The following FCSK variants were observed in gnomAD, a reference collection of about 807,000 sequenced individuals.
FCSK encodes the protein L-fucose kinase.
FCSK carries 123 observed loss-of-function variants against 122.5 expected under a neutral mutation model. The observed-to-expected ratio is 1.00, with a 90% confidence interval of 0.87 to 1.17. The LOEUF is 1.17. Ranked by LOEUF, FCSK falls within the 50% of genes most tolerant of loss-of-function variation. The pLI is 0.00. For synonymous variants in FCSK, 620 were observed against 625.5 expected (o/e 0.99, Z 0.13); for missense variants, 1,366 against 1,450.4 (o/e 0.94, Z 0.95).
intron 8 of FCSK, 57 bp from the exon 9 acceptor site, chr16:70,468,792 T>G: frequency 6.2e-7 from 1 of 1,606,326 alleles, no homozygotes; most frequent in Non-Finnish European, 8.5e-7. Context: ...CTCCCTGACT[T>G]GTACCAGGGC....
intron 5 of FCSK, 77 bp downstream of exon 5, chr16:70,466,334 C>A: frequency 1.9e-6 from 3 of 1,559,054 alleles, no homozygotes; most frequent in Non-Finnish European, 2.6e-6. Flanking sequence ...CAGGTATGAT[C>A]TATGCTGGCT....
intron 4 of FCSK, 24 bp from the exon 5 acceptor site, chr16:70,466,108 C>T: frequency 6.2e-7 from 1 of 1,611,760 alleles, no homozygotes; most frequent in East Asian, 2.2e-5. Context: ...ACTGAGGCTT[C>T]CTCACCAGTC....
In FCSK at chr16:70,469,418, C is replaced by T. The variant is rs950018196; in HGVS notation, c.955+95C>T. The stretch of plus-strand genomic sequence containing the variant: ...TCACTGCATGCTGGGCCAGGCAGCC[C>T]AGCACAGGGACTGGGCAGTTCTCCT... On this transcript the variant is annotated intron_variant, in intron 10 of 23. Coordinates refer to ENST00000288078, the MANE Select transcript of FCSK (RefSeq NM_145059.3). 9 of 1,243,208 alleles carry T rather than the reference C, an allele frequency of 7.2e-6. No individual in the cohort carries two copies. The African/African-American group carries it at 1.4e-4, about 19-fold the overall frequency. 77.0% of individuals were successfully genotyped at this position (1,243,208 alleles called of 1,614,324 possible).
chr16:70,463,549 A>T (rs2048328646), intron 2 of FCSK, 74 bp from the exon 3 acceptor site: 1 of 1,567,474 alleles, frequency 6.4e-7, no homozygotes, highest in Non-Finnish European at 8.7e-7. Context: ...ACTGATGATC[A>T]GTAGGCTTGC....
chr16:70,479,137 G>A (rs2048916599), intron 22 of FCSK, 43 bp from the exon 23 acceptor site: 2 of 1,453,476 alleles, frequency 1.4e-6, no homozygotes, highest in African/African-American at 1.4e-5. Flanking sequence ...TGGGTGCTGA[G>A]TATCTTGGCC....
At chr16:70,470,938 C>A (rs1283023942) in intron 11 of FCSK, 33 bp from the exon 12 acceptor site, 2 of 1,513,512 alleles carry the variant, frequency 1.3e-6, no homozygotes, top group Admixed American at 2.0e-5. Flanking sequence ...TGGGCCTCGA[C>A]CCCCCTCATG....
intron 5 of FCSK, 199 bp downstream of exon 5, chr16:70,466,456 G>A: frequency 1.6e-6 from 1 of 620,982 alleles, no homozygotes; most frequent in Non-Finnish European, 2.7e-6. Context: ...ACTTTGAGAA[G>A]CCAAAGTGGG....
At position 70,475,708 on chromosome 16, in the gene FCSK, T is replaced by C; in HGVS notation, c.2582T>C (p.Val861Ala). 6.2e-7 allele frequency: 1 copy of C among 1,602,266 alleles called. No homozygotes were observed. Among genetic ancestry groups the C allele is most frequent in the Non-Finnish European group, 8.5e-7 (1 of 1,174,920 alleles). Residue 861 changes from valine (V) to alanine (A), a missense_variant, in exon 20 of 24, where the codon GTG becomes GCG. By Grantham distance (64) the Val-to-Ala change is moderately conservative. Transcript: ENST00000288078. Reference sequence around the variant, plus strand: ...GCCTTGCAGCGAGCCGCAGGCCGGGTGGTGGGCACGGAAGCCCTGATCCAC... The same window carrying C: ...GCCTTGCAGCGAGCCGCAGGCCGGGCGGTGGGCACGGAAGCCCTGATCCAC... ...LAALQRAAGR[V>A]VGTEALIHAV...
At chr16:70,465,214 A>T (rs2048381126) in intron 4 of FCSK, 38 bp downstream of exon 4, 1 of 1,579,698 alleles carries the variant, frequency 6.3e-7, no homozygotes, top group African/African-American at 1.3e-5. Context: ...GCAGAAGGCC[A>T]GAATCCCAGT....
At chr16:70,466,415 G>C in intron 5 of FCSK, 158 bp downstream of exon 5, 1 of 874,494 alleles carries the variant, frequency 1.1e-6, no homozygotes, top group Non-Finnish European at 1.7e-6. Flanking sequence ...AGTTGTGTCT[G>C]GGGGCAGTGG....
In FCSK at chr16:70,473,879, C is replaced by T. The variant is rs980951076; in HGVS notation, c.1778-250C>T. On this transcript the variant is annotated intron_variant, in intron 15 of 23. Coordinates refer to ENST00000288078, the MANE Select transcript of FCSK (RefSeq NM_145059.3). The surrounding 1 kb of genome is among the most constrained non-coding windows in gnomAD (Gnocchi z 4.9). ...GAGCCCAGGTGGTTTGAGCCCAGAGCCTGAGCTCTTCACCACTATGGGTGT... is the reference window on the plus strand; with the variant it reads ...GAGCCCAGGTGGTTTGAGCCCAGAGTCTGAGCTCTTCACCACTATGGGTGT... Among the ~76,000 whole-genome samples the T allele has an allele frequency of 6.6e-6, 1 of 152,134 alleles. No homozygotes were observed. Among genetic ancestry groups the T allele is most frequent in the African/African-American group, 2.4e-5 (1 of 41,418 alleles).
chr16:70,467,560 T>C (rs1160380360), intron 7 of FCSK, 89 bp downstream of exon 7: 6 of 995,144 alleles, frequency 6.0e-6, no homozygotes, highest in African/African-American at 3.2e-5. Context: ...CAGCCTCTCA[T>C]CCTGGATTTC....
In FCSK at chr16:70,479,195, T is replaced by C; in HGVS notation, c.2945T>C (p.Leu982Pro). ...EGFRQGSLPL[L>P]GQCLTSYWEQ... The stretch of plus-strand genomic sequence containing the variant: ...CCCACCTCAGGAAGCCTGCCTCTGC[T>C]GGGCCAGTGCCTGACCTCGTACTGG... Residue 982 changes from leucine (L) to proline (P), a missense_variant, in exon 23 of 24, where the codon CTG (leucine) becomes CCG (proline). Leu to Pro is a moderately conservative substitution (Grantham distance 98). Coordinates refer to ENST00000288078, the MANE Select transcript of FCSK (RefSeq NM_145059.3). The C allele has an allele frequency of 1.9e-6, 3 of 1,613,388 alleles. No individual in the cohort carries two copies. The highest frequency in any genetic ancestry group is 2.5e-6 in the Non-Finnish European group (3 of 1,179,996).
In FCSK at chr16:70,475,495, T is replaced by G. The variant is rs1369120398; in HGVS notation, c.2521+2T>G. 6.2e-7 allele frequency: 1 copy of G among 1,601,312 alleles called. No individual in the cohort carries two copies. Among genetic ancestry groups the G allele is most frequent in the African/African-American group, 1.3e-5 (1 of 74,828 alleles). ...AGCTGCCCCACGGCTCTGGCCTGGG[T>G]GAGCGGGCCCTGCCTCCTGCTACCC... On this transcript the variant is annotated splice_donor_variant, in intron 19 of 23. Transcript: ENST00000288078. LOFTEE classifies it high-confidence loss of function.
chr16:70,475,057 G>C, intron 18 of FCSK, 46 bp downstream of exon 18: 1 of 1,510,252 alleles, frequency 6.6e-7, no homozygotes, highest in Non-Finnish European at 8.9e-7. Flanking sequence ...CCAGCTGGGG[G>C]CTCGGGGCAG....
At position 70,472,850 on chromosome 16, in the gene FCSK, G is replaced by A. The variant is rs962086498; in HGVS notation, c.1407-133G>A. The A allele has an allele frequency of 1.7e-5, 20 of 1,170,060 alleles. No individual in the cohort carries two copies. In the Admixed American group the frequency reaches 2.3e-4, roughly 13 times the overall value. 72.5% of individuals were successfully genotyped at this position (1,170,060 alleles called of 1,614,324 possible). ...AAGGATGCCAGGCAGCCTGGCCCCC[G>A]ACCTGAATTGCCCACTTATGCTACC... On this transcript the variant is annotated intron_variant, in intron 14 of 23. Transcript: ENST00000288078.
Position 70,472,971 on chromosome 16 carries a change from TC to T in FCSK, c.1407-8del. 6.3e-7 allele frequency: 1 copy of T among 1,594,686 alleles called. No homozygotes were observed. On this transcript the variant is annotated splice_polypyrimidine_tract_variant and intron_variant, in intron 14 of 23. Transcript: ENST00000288078. ...GCTTCCCTCCTGGGAATGTGCCTTCTCCCCACATCAGAGCCTGGGACCTGTG... is the reference window on the plus strand; with the variant it reads ...GCTTCCCTCCTGGGAATGTGCCTTCTCCCACATCAGAGCCTGGGACCTGTG...
chr16:70,455,639 C>T (rs955600178), intron 1 of FCSK, among the ~76,000 whole-genome samples: 2 of 151,632 alleles, frequency 1.3e-5, no homozygotes, highest in African/African-American at 4.9e-5. Context: ...CGCCTGTAAT[C>T]CCAGCACTGT....
Position 70,479,782 on chromosome 16 carries a change from C to A in FCSK, c.*102C>A. On this transcript the variant is annotated 3_prime_UTR_variant, in exon 24 of 24. Transcript: ENST00000288078. The stretch of plus-strand genomic sequence containing the variant: ...ACCTCCTACTCCCCACCCACCTCTG[C>A]GAATCTGCTCCCAAAGGAAGCTGAC... 2.4e-6 allele frequency: 2 copies of A among 829,138 alleles called. No individual in the cohort carries two copies. Among genetic ancestry groups the A allele is most frequent in the Non-Finnish European group, 3.8e-6 (2 of 526,718 alleles). The allele number at this position is 829,138 out of a possible 1,614,324, so 51.4% of individuals were successfully genotyped here. A position where few individuals can be genotyped will look rare whatever the true frequency, so the allele number is the denominator to read the frequency against.
Sources: gnomAD v4.1 joint callset for allele counts (sites outside exome capture counted in the v4.1 genomes callset) on GRCh38, gnomAD v4.1.1 for gene constraint, Gnocchi (gnomAD v3.1) non-coding constraint, MANE v1.5 for transcripts, NCBI Gene and HGNC (gene_info 2026-07-23, HGNC 2026-07-21) for gene names.